The following ZHX2 variants were observed in gnomAD, a reference collection of about 807,000 sequenced individuals.
ZHX2 encodes the protein zinc fingers and homeoboxes 2.
A neutral mutation model predicts 21.9 loss-of-function variants in ZHX2; 6 were observed. That is an observed-to-expected ratio of 0.27 (90% CI 0.15 to 0.54). The LOEUF (loss-of-function observed/expected upper bound fraction) is 0.54. ZHX2 is among the 20% of genes least tolerant of loss of function. The probability of loss-of-function intolerance (pLI) is 0.95; values close to 1 mark genes in which losing one functional copy is unlikely to be tolerated. For synonymous variants in ZHX2, 434 were observed against 437.1 expected (o/e 0.99, Z 0.09); for missense variants, 908 against 1,090.7 (o/e 0.83, Z 2.36).
In ZHX2 at chr8:122,917,059, C is replaced by T. The variant is rs117691528; in HGVS notation, c.-219-34233C>T. On this transcript the variant is annotated intron_variant, in intron 2 of 3. Transcript: ENST00000314393. ...CCCCCACCAGGCAGCCAGTGACGTC[C>T]TCCCTGTCATCCAGCGCATTCATCC... is the stretch of plus-strand genomic sequence containing the variant. Among the ~76,000 whole-genome samples, 240 of 152,294 alleles carry T rather than the reference C, an allele frequency of 1.6e-3. 1 individual carries two copies. Among genetic ancestry groups the T allele is most frequent in the Non-Finnish European group, 3.0e-3 (206 of 68,022 alleles).
At chr8:122,933,896 C>T (rs1812611558) in intron 2 of ZHX2, among the ~76,000 whole-genome samples, 1 of 152,186 alleles carries the variant, frequency 6.6e-6, no homozygotes, top group Admixed American at 6.5e-5. Flanking sequence ...TAGGTCTGGG[C>T]ACAATGGCCC....
intron 2 of ZHX2, among the ~76,000 whole-genome samples, chr8:122,900,258 T>C (rs530456768): frequency 1.6e-4 from 25 of 152,188 alleles, no homozygotes; most frequent in African/African-American, 5.8e-4. Flanking sequence ...GCTTCTGGTG[T>C]GGACCTCAGG....
At chr8:122,868,894 C>T (rs1476902681) in intron 2 of ZHX2, among the ~76,000 whole-genome samples, 1 of 152,068 alleles carries the variant, frequency 6.6e-6, no homozygotes, top group Non-Finnish European at 1.5e-5. Context: ...GAAATCTATG[C>T]GAAGCAGGGA....
intron 1 of ZHX2, among the ~76,000 whole-genome samples, chr8:122,787,926 G>A (rs763288374): frequency 7.2e-5 from 11 of 152,178 alleles, no homozygotes; most frequent in Admixed American, 3.3e-4. Context: ...AGAGGTGACC[G>A]TTTAAACCAG....
intron 2 of ZHX2, among the ~76,000 whole-genome samples, chr8:122,880,572 C>A (rs185057767): frequency 1.3e-5 from 2 of 151,918 alleles, no homozygotes; most frequent in African/African-American, 4.8e-5. Context: ...GTCAGGAGTT[C>A]GAGACCAGCC....
chr8:122,956,304 G>A (rs539369561), intron 3 of ZHX2, among the ~76,000 whole-genome samples: 2 of 152,316 alleles, frequency 1.3e-5, no homozygotes, highest in East Asian at 3.9e-4. Flanking sequence ...TAGAAACAGT[G>A]CCATGAGAGA....
chr8:122,928,022 C>T (rs964910301), intron 2 of ZHX2, among the ~76,000 whole-genome samples: 2 of 152,134 alleles, frequency 1.3e-5, no homozygotes, highest in African/African-American at 2.4e-5. Context: ...TCCCCGCTTT[C>T]GTAAAGTCCC....
At chr8:122,884,818 C>T (rs1022325761) in intron 2 of ZHX2, among the ~76,000 whole-genome samples, 4 of 152,170 alleles carry the variant, frequency 2.6e-5, no homozygotes, top group African/African-American at 9.7e-5. Context: ...CAGTCCTTCA[C>T]AATTCTACTT....
rs893971041 is a variant in ZHX2 at position 122,953,520 on chromosome 8, T to G, written c.2010T>G (p.Thr670=). ...CGGCCAAGACTGGCCTGGTCCGAACTGAGATTGTGCGTTGGTTCAAGGAGA... is the reference window on the plus strand; with the variant it reads ...CGGCCAAGACTGGCCTGGTCCGAACGGAGATTGTGCGTTGGTTCAAGGAGA... ...QLAAKTGLVR[T]EIVRWFKENR... The change falls in exon 3 of 4, where the codon ACT becomes ACG. Residue 670 remains threonine (T), a synonymous_variant. Coordinates refer to ENST00000314393, the MANE Select transcript of ZHX2 (RefSeq NM_014943.5). The surrounding 1 kb of genome is among the most constrained non-coding windows in gnomAD (Gnocchi z 4.6). 2 of 1,614,124 alleles carry G rather than the reference T, an allele frequency of 1.2e-6. No individual in the cohort carries two copies. Among genetic ancestry groups the G allele is most frequent in the Non-Finnish European group, 1.7e-6 (2 of 1,179,996 alleles).
At chr8:122,850,233 C>G (rs1417294788) in intron 1 of ZHX2, among the ~76,000 whole-genome samples, 4 of 152,122 alleles carry the variant, frequency 2.6e-5, no homozygotes, top group African/African-American at 9.7e-5. Flanking sequence ...CTCAGGTGCC[C>G]TTCATGTTTT....
chr8:122,855,046 G>A (rs1207945316), intron 1 of ZHX2, among the ~76,000 whole-genome samples: 1 of 152,162 alleles, frequency 6.6e-6, no homozygotes, highest in Non-Finnish European at 1.5e-5. Context: ...AAACAGTAAG[G>A]TATATAAGCA....
At chr8:122,857,344 G>A (rs1819050112) in intron 1 of ZHX2, among the ~76,000 whole-genome samples, 1 of 146,610 alleles carries the variant, frequency 6.8e-6, no homozygotes, top group Non-Finnish European at 1.5e-5. Flanking sequence ...CTTGGCAAGT[G>A]ACACTGTCAC....
chr8:122,797,812 G>A (rs548100967), intron 1 of ZHX2, among the ~76,000 whole-genome samples: 10 of 152,298 alleles, frequency 6.6e-5, no homozygotes, highest in African/African-American at 9.6e-5. Context: ...CCAGTCTGGC[G>A]TAAAGAAAAT....
rs77108733 is a variant in ZHX2 at position 122,971,702 on chromosome 8, G to A, written c.*5-1540G>A. ...AGGCAAAGAAAAGGCCAGTGGCTCC[G>A]AGAACCTACAGATCTGAAAAACTTC... is the stretch of plus-strand genomic sequence containing the variant. On this transcript the variant is annotated intron_variant, in intron 3 of 3. Coordinates refer to ENST00000314393, the MANE Select transcript of ZHX2 (RefSeq NM_014943.5). 5.1e-3 allele frequency among the ~76,000 whole-genome samples: 770 copies of A among 151,166 alleles called. 2 individuals are homozygous for A. The highest frequency in any genetic ancestry group is 7.5e-3 in the Non-Finnish European group (511 of 67,870).
At chr8:122,913,350 T>A (rs549459642) in intron 2 of ZHX2, among the ~76,000 whole-genome samples, 1 of 152,342 alleles carries the variant, frequency 6.6e-6, no homozygotes, top group South Asian at 2.1e-4. Context: ...GGTTTTCGCA[T>A]GGTAGGAACC....
intron 1 of ZHX2, among the ~76,000 whole-genome samples, chr8:122,793,086 C>G (rs534695357): frequency 6.6e-6 from 1 of 152,336 alleles, no homozygotes; most frequent in Admixed American, 6.5e-5. Flanking sequence ...GCCTGAATCG[C>G]TGCTCACAGG....
chr8:122,884,267 T>G (rs1819785446), intron 2 of ZHX2, among the ~76,000 whole-genome samples: 1 of 152,254 alleles, frequency 6.6e-6, no homozygotes, highest in South Asian at 2.1e-4. Flanking sequence ...GCATGACTGT[T>G]TTCCTATATG....
intron 2 of ZHX2, among the ~76,000 whole-genome samples, chr8:122,937,136 G>C (rs1320011775): frequency 6.6e-6 from 1 of 152,238 alleles, no homozygotes; most frequent in African/African-American, 2.4e-5. Context: ...GAGGCCCAGG[G>C]CTCAGGCCAG....
intron 2 of ZHX2, among the ~76,000 whole-genome samples, chr8:122,893,387 A>C (rs1181469661): frequency 6.6e-6 from 1 of 152,164 alleles, no homozygotes; most frequent in Admixed American, 6.5e-5. Flanking sequence ...GTTTTCATCT[A>C]TTATTTCATT....
Sources: gnomAD v4.1 joint callset for allele counts (sites outside exome capture counted in the v4.1 genomes callset) on GRCh38, gnomAD v4.1.1 for gene constraint, Gnocchi (gnomAD v3.1) non-coding constraint, MANE v1.5 for transcripts, NCBI Gene and HGNC (gene_info 2026-07-23, HGNC 2026-07-21) for gene names.